Variants in METTL22 observed in about 807,000 individuals in gnomAD.
METTL22 encodes the protein methyltransferase 22, Kin17 lysine.
In METTL22, 51 loss-of-function variants were observed where a neutral mutation model predicts 48.4. The ratio of observed to expected loss-of-function variants is 1.05; its 90% CI spans 0.84 to 1.33. METTL22 has a LOEUF of 1.33. Among genes scored for constraint, METTL22 ranks in the 40% most tolerant of loss-of-function variants. The probability of loss-of-function intolerance (pLI) is 0.00; values close to 1 mark genes in which losing one functional copy is unlikely to be tolerated. For synonymous variants in METTL22, 255 were observed against 214.1 expected (o/e 1.19, Z -1.67); for missense variants, 678 against 526.9 (o/e 1.29, Z -2.81).
intron 7 of METTL22, 136 bp downstream of exon 7, chr16:8,641,320 T>C: frequency 1.2e-6 from 1 of 837,882 alleles, no homozygotes. Context: ...TGGCAGCTTC[T>C]CTCCATTGGC....
rs1189887006 is a variant in METTL22, at chr16:8,647,680, A to G, written c.*1537A>G. ...CGGAGAAATCCTGACTTGGAAGAAG[A>G]AAGCCAAGTACTTTAGAGAAGAAAA... On this transcript the variant is annotated 3_prime_UTR_variant, in exon 11 of 11. Coordinates refer to ENST00000381920, the MANE Select transcript of METTL22 (RefSeq NM_024109.4). 1 of 152,270 alleles carries G rather than the reference A, an allele frequency of 6.6e-6. No homozygotes were observed. The highest frequency in any genetic ancestry group is 1.5e-5 in the Non-Finnish European group (1 of 68,076). 9.4% of individuals were successfully genotyped at this position (152,270 alleles called of 1,614,324 possible). A position where few individuals can be genotyped will look rare whatever the true frequency, so the allele number is the denominator to read the frequency against.
At chr16:8,632,667 A>G (rs1268351448) in intron 3 of METTL22, among the ~76,000 whole-genome samples, 2 of 152,182 alleles carry the variant, frequency 1.3e-5, no homozygotes, top group African/African-American at 2.4e-5. Flanking sequence ...GCTCTCTCAG[A>G]AGCGCTGTCT....
chr16:8,625,565 C>T lies in METTL22; in HGVS notation c.-101C>T. 1 of 1,216,584 alleles carries T rather than the reference C, an allele frequency of 8.2e-7. No individual in the cohort carries two copies. Among genetic ancestry groups the T allele is most frequent in the Non-Finnish European group, 1.1e-6 (1 of 870,134 alleles). 75.4% of individuals were successfully genotyped at this position (1,216,584 alleles called of 1,614,324 possible). ...GCGATGCAAAGCTACTCGCTACCAG[C>T]TTGGACCTGTCTGCAGTATCTCCTC... is the stretch of plus-strand genomic sequence containing the variant. On this transcript the variant is annotated 5_prime_UTR_variant, in exon 2 of 11. Coordinates refer to ENST00000381920, the MANE Select transcript of METTL22 (RefSeq NM_024109.4).
intron 1 of METTL22, among the ~76,000 whole-genome samples, chr16:8,624,541 G>A (rs189577772): frequency 2.5e-3 from 376 of 151,960 alleles, no homozygotes; most frequent in Non-Finnish European, 3.9e-3. Flanking sequence ...CACGACACCC[G>A]CCTAATTCCA....
In METTL22 at chr16:8,647,687, A is replaced by G. The variant is rs989517531; in HGVS notation, c.*1544A>G. The G allele has an allele frequency of 6.6e-6, 1 of 152,272 alleles. No homozygotes were observed. The highest frequency in any genetic ancestry group is 6.5e-5 in the Admixed American group (1 of 15,288). The allele number at this position is 152,272 out of a possible 1,614,324, so 9.4% of individuals were successfully genotyped here. A position where few individuals can be genotyped will look rare whatever the true frequency, so the allele number is the denominator to read the frequency against. On this transcript the variant is annotated 3_prime_UTR_variant, in exon 11 of 11. Transcript: ENST00000381920. ...ATCCTGACTTGGAAGAAGAAAGCCA[A>G]GTACTTTAGAGAAGAAAAACGGTCT...
At chr16:8,629,930 A>C (rs998321381) in intron 3 of METTL22, among the ~76,000 whole-genome samples, 5 of 152,096 alleles carry the variant, frequency 3.3e-5, no homozygotes, top group Non-Finnish European at 5.9e-5. Flanking sequence ...TGGATGAGGA[A>C]GTGAAAGGCC....
At chr16:8,641,089 T>C (rs751611242) in intron 6 of METTL22, 42 bp from the exon 7 acceptor site, 31 of 1,574,424 alleles carry the variant, frequency 2.0e-5, no homozygotes, top group Non-Finnish European at 2.6e-5. Flanking sequence ...TTCCTGATGA[T>C]GTTTAGAGTT....
At chr16:8,630,898 C>G (rs866280531) in intron 3 of METTL22, among the ~76,000 whole-genome samples, 3 of 152,232 alleles carry the variant, frequency 2.0e-5, no homozygotes, top group Non-Finnish European at 4.4e-5. Flanking sequence ...AGAGCACTTT[C>G]ATCTGCAAAA....
intron 3 of METTL22, among the ~76,000 whole-genome samples, chr16:8,629,460 G>A (rs1408612606): frequency 6.6e-6 from 1 of 152,190 alleles, no homozygotes; most frequent in Non-Finnish European, 1.5e-5. Flanking sequence ...CTGTGCTCTT[G>A]CTCTAACTCA....
At chr16:8,645,160 C>G (rs114912352) in intron 10 of METTL22, 2,651 of 155,850 alleles carry the variant, frequency 0.017, 73 homozygotes, top group African/African-American at 0.06. Context: ...ACTGGCTTTT[C>G]TATTAACTGG....
chr16:8,646,280 G>A lies in METTL22; in HGVS notation c.*137G>A, dbSNP rs1041803418. On this transcript the variant is annotated 3_prime_UTR_variant, in exon 11 of 11. Transcript: ENST00000381920. ...GTTACACGTACCTTAGATGACCCAA[G>A]ATGGTTTTCTGGGGTCTGTCCCTGC... 4.4e-6 allele frequency: 5 copies of A among 1,148,216 alleles called. No individual in the cohort carries two copies. Among genetic ancestry groups the A allele is most frequent in the Middle Eastern group, 1.9e-4 (1 of 5,266 alleles). The allele number at this position is 1,148,216 out of a possible 1,614,324, so 71.1% of individuals were successfully genotyped here.
In METTL22 at chr16:8,646,247, A is replaced by G; in HGVS notation, c.*104A>G. 1 of 1,440,322 alleles carries G rather than the reference A, an allele frequency of 6.9e-7. No individual in the cohort carries two copies. Among genetic ancestry groups the G allele is most frequent in the Non-Finnish European group, 9.7e-7 (1 of 1,031,506 alleles). 89.2% of individuals were successfully genotyped at this position (1,440,322 alleles called of 1,614,324 possible). A position where few individuals can be genotyped will look rare whatever the true frequency, so the allele number is the denominator to read the frequency against. ...ACATGCTTGAGATTTTGTCATTTTA[A>G]AAATATGGTTACACGTACCTTAGAT... On this transcript the variant is annotated 3_prime_UTR_variant, in exon 11 of 11. Transcript: ENST00000381920.
chr16:8,625,722 T>C lies in METTL22; in HGVS notation c.57T>C (p.Thr19=). The change falls in exon 2 of 11, where the codon ACT becomes ACC. Residue 19 remains threonine, a synonymous_variant. Transcript: ENST00000381920. ...ACGAGGTCACCTTTAGGAGCGACAC[T>C]GTGCTGTCAGATGTCCACCTCTATA... ...AMDEVTFRSD[T]VLSDVHLYTP... is the part of the protein sequence containing the mutation. 1 of 1,614,186 alleles carries C rather than the reference T, an allele frequency of 6.2e-7. No individual in the cohort carries two copies. The highest frequency in any genetic ancestry group is 8.5e-7 in the Non-Finnish European group (1 of 1,180,014).
At chr16:8,656,206 C>A in the METTL22 span, among the ~76,000 whole-genome samples, 1 of 152,138 alleles carries the variant, frequency 6.6e-6, no homozygotes, top group African/African-American at 2.4e-5. Context: ...CTCAGCCTCC[C>A]AAGGAGCTAG....
intron 2 of METTL22, among the ~76,000 whole-genome samples, chr16:8,626,518 G>T (rs528096737): frequency 6.8e-6 from 1 of 147,806 alleles, no homozygotes; most frequent in Non-Finnish European, 1.5e-5. Flanking sequence ...GCGCGACCTC[G>T]GCTCACTGCA....
chr16:8,646,690 A>G lies in METTL22; in HGVS notation c.*547A>G, dbSNP rs1045897866. The G allele has an allele frequency of 6.1e-5, 28 of 456,474 alleles. No homozygotes were observed. Among genetic ancestry groups the G allele is most frequent in the Non-Finnish European group, 1.2e-4 (28 of 226,920 alleles). 28.3% of individuals were successfully genotyped at this position (456,474 alleles called of 1,614,324 possible). ...GGAATGGACTGGCATTGGCCTTTGT[A>G]TTTAATTTTAACTCTTTATCACCCA... is the stretch of plus-strand genomic sequence containing the variant. On this transcript the variant is annotated 3_prime_UTR_variant, in exon 11 of 11. Transcript: ENST00000381920.
the METTL22 span, among the ~76,000 whole-genome samples, chr16:8,664,580 A>C: frequency 6.6e-6 from 1 of 152,174 alleles, no homozygotes; most frequent in African/African-American, 2.4e-5. Flanking sequence ...TGGCCTCCTG[A>C]GTAGCTAGGA....
chr16:8,665,146 A>AAAT, the METTL22 span, among the ~76,000 whole-genome samples: 8,484 of 81,290 alleles, frequency 0.1, 572 homozygotes, highest in African/African-American at 0.21. Flanking sequence ...AATACAAAAA[A>AAAT]AGTAATAATA....
At chr16:8,660,821 GA>G in the METTL22 span, among the ~76,000 whole-genome samples, 3 of 8,308 alleles carry the variant, frequency 3.6e-4, no homozygotes, top group African/African-American at 6.8e-4. Flanking sequence ...GGAGGAGGAG[GA>G]GGAGGAGGGG....
Sources: allele counts gnomAD v4.1 joint callset (sites outside exome capture counted in the v4.1 genomes callset), GRCh38; gene constraint gnomAD v4.1.1; transcripts MANE v1.5; gene names NCBI Gene and HGNC (gene_info 2026-07-23, HGNC 2026-07-21).